Variants in CNTNAP5 observed in about 807,000 individuals in gnomAD.
CNTNAP5 encodes contactin associated protein family member 5, also known as contactin-associated protein-like 5.
A neutral mutation model predicts 150.2 loss-of-function variants in CNTNAP5; 72 were observed. The observed-to-expected ratio is 0.48, with a 90% CI of 0.40 to 0.58. CNTNAP5 has a LOEUF of 0.58. Among genes scored for constraint, CNTNAP5 ranks in the 20% least tolerant of loss-of-function variants. The pLI is 0.00. For missense variants in CNTNAP5, 1,636 were observed against 1,626.2 expected, an observed-to-expected ratio of 1.01 and a Z score of -0.10; for synonymous variants, 672 against 619.8, an observed-to-expected ratio of 1.08 and a Z score of -1.25.
chr2:124,564,186 G>A (rs1195098558), intron 11 of CNTNAP5, among the ~76,000 whole-genome samples: 1 of 152,130 alleles, frequency 6.6e-6, no homozygotes, highest in African/African-American at 2.4e-5. Context: ...CCTCTGCTCT[G>A]TGGAAAATTG....
chr2:124,776,514 C>T lies in CNTNAP5; in HGVS notation c.2752+3497C>T, dbSNP rs143790751. Among the ~76,000 whole-genome samples the T allele has an allele frequency of 2.7e-3, 404 of 152,264 alleles. 3 individuals carry two copies. The highest frequency in any genetic ancestry group is 9.3e-3 in the African/African-American group (385 of 41,562). The stretch of plus-strand genomic sequence containing the variant: ...CAAGGGTGAAGCCAGGCAGGCTTGG[C>T]GTGCACATGTTTATTTTGTGCTCTG... On this transcript the variant is annotated intron_variant, in intron 17 of 23. Coordinates refer to ENST00000682447, the MANE Select transcript of CNTNAP5 (RefSeq NM_001367498.1).
In CNTNAP5 at chr2:124,103,393, G is replaced by T. The variant is rs568612073; in HGVS notation, c.82+77661G>T. ...TACAGTGTTTATAAGGCCTACAGCA[G>T]TGTAGAGTGATGTCCTAGGCCTTCA... On this transcript the variant is annotated intron_variant, in intron 1 of 23. Transcript: ENST00000682447. Among the ~76,000 whole-genome samples the T allele has an allele frequency of 3.9e-5, 6 of 152,164 alleles. No individual in the cohort carries two copies. The East Asian group carries it at 1.2e-3, about 29-fold the overall frequency.
At chr2:124,798,507 G>A (rs752068130) in intron 19 of CNTNAP5, among the ~76,000 whole-genome samples, 187 bp downstream of exon 19, 1 of 152,192 alleles carries the variant, frequency 6.6e-6, no homozygotes, top group Non-Finnish European at 1.5e-5. Context: ...CAGGGCCAGT[G>A]TCAATTCACT....
chr2:124,650,882 C>A (rs1226283356), intron 13 of CNTNAP5, among the ~76,000 whole-genome samples: 1 of 152,152 alleles, frequency 6.6e-6, no homozygotes, highest in African/African-American at 2.4e-5. Context: ...CGTAATGCTG[C>A]AGAACAGTTT....
intron 19 of CNTNAP5, among the ~76,000 whole-genome samples, chr2:124,799,939 A>C (rs376589468): frequency 1.3e-5 from 2 of 152,212 alleles, no homozygotes; most frequent in Admixed American, 6.5e-5. Context: ...GGGAAACACT[A>C]TGGGTAATTA....
intron 1 of CNTNAP5, among the ~76,000 whole-genome samples, chr2:124,203,664 C>A (rs1443528227): frequency 6.6e-6 from 1 of 152,242 alleles, no homozygotes; most frequent in African/African-American, 2.4e-5. Context: ...ACAGGTACAA[C>A]ACCAGATGTG....
At chr2:124,353,542 A>C (rs1689925845) in intron 3 of CNTNAP5, among the ~76,000 whole-genome samples, 1 of 152,164 alleles carries the variant, frequency 6.6e-6, no homozygotes, top group Non-Finnish European at 1.5e-5. Context: ...GAAAACTATA[A>C]GCCTGTCCCA....
chr2:124,896,187 G>A (rs72963893), intron 21 of CNTNAP5, among the ~76,000 whole-genome samples: 4,647 of 151,580 alleles, frequency 0.031, 453 homozygotes, highest in African/African-American at 0.11. Flanking sequence ...CAAAGAGAGC[G>A]TTCTGGATAA....
At chr2:124,086,134 A>T (rs1019445662) in intron 1 of CNTNAP5, among the ~76,000 whole-genome samples, 1 of 133,402 alleles carries the variant, frequency 7.5e-6, no homozygotes, top group South Asian at 2.5e-4. Flanking sequence ...GAACTGTTTT[A>T]TCAGTTCTAT....
At chr2:124,798,047 A>G (rs1219019245) in intron 18 of CNTNAP5, 49 bp from the exon 19 acceptor site, 5 of 1,422,468 alleles carry the variant, frequency 3.5e-6, no homozygotes, top group Non-Finnish European at 4.9e-6. Flanking sequence ...TAGCTTGAAC[A>G]ATGGATCTAA....
At chr2:124,723,868 G>A (rs994085884) in intron 13 of CNTNAP5, among the ~76,000 whole-genome samples, 2 of 152,056 alleles carry the variant, frequency 1.3e-5, no homozygotes, top group South Asian at 2.1e-4. Context: ...TCTTTAGGCC[G>A]GGTGCAGTGT....
At chr2:124,865,005 T>C (rs375508740) in intron 19 of CNTNAP5, among the ~76,000 whole-genome samples, 46 of 152,056 alleles carry the variant, frequency 3.0e-4, no homozygotes, top group African/African-American at 1.1e-3. Flanking sequence ...TCTACCTTAT[T>C]AAAGTTTCAT....
intron 1 of CNTNAP5, among the ~76,000 whole-genome samples, chr2:124,198,222 T>G (rs974854343): frequency 5.3e-5 from 8 of 151,998 alleles, no homozygotes; most frequent in Non-Finnish European, 4.4e-5. Context: ...ATTTTGAATA[T>G]TTTTCTACTG....
chr2:124,078,274 T>C (rs1458104906), intron 1 of CNTNAP5, among the ~76,000 whole-genome samples: 1 of 152,208 alleles, frequency 6.6e-6, no homozygotes, highest in Non-Finnish European at 1.5e-5. Context: ...TAACAATATG[T>C]TCTGAACATC....
intron 19 of CNTNAP5, among the ~76,000 whole-genome samples, chr2:124,846,786 C>G (rs981344896): frequency 2.6e-5 from 4 of 152,146 alleles, no homozygotes; most frequent in African/African-American, 9.7e-5. Context: ...GTGTTCTCCC[C>G]CTTCCCCTAG....
At chr2:124,830,402 G>T (rs985977209) in intron 19 of CNTNAP5, among the ~76,000 whole-genome samples, 3 of 151,928 alleles carry the variant, frequency 2.0e-5, no homozygotes, top group Non-Finnish European at 4.4e-5. Flanking sequence ...TATTGTGTAG[G>T]CCAGCTACTA....
intron 10 of CNTNAP5, among the ~76,000 whole-genome samples, chr2:124,548,843 G>T (rs545118386): frequency 1.3e-5 from 2 of 152,286 alleles, no homozygotes; most frequent in East Asian, 3.9e-4. Flanking sequence ...CTCTGAAAGG[G>T]ATCAATAATT....
intron 19 of CNTNAP5, among the ~76,000 whole-genome samples, chr2:124,806,261 A>G (rs1052199181): frequency 3.9e-5 from 6 of 152,150 alleles, no homozygotes; most frequent in Non-Finnish European, 7.3e-5. Flanking sequence ...GAAGTTACAT[A>G]TACAGTGAGA....
intron 8 of CNTNAP5, among the ~76,000 whole-genome samples, chr2:124,508,440 A>G (rs1320839858): frequency 1.3e-5 from 2 of 152,224 alleles, no homozygotes. Context: ...GATGTTTTTG[A>G]GTACAGAGAC....
Sources: gnomAD v4.1 joint callset for allele counts (sites outside exome capture counted in the v4.1 genomes callset) on GRCh38, gnomAD v4.1.1 for gene constraint, MANE v1.5 for transcripts, NCBI Gene and HGNC (gene_info 2026-07-23, HGNC 2026-07-21) for gene names.